UTP6: variants seen among roughly 807,000 people sequenced by gnomAD.
UTP6 encodes UTP6 small subunit processome component.
Under a neutral mutation model 96.5 loss-of-function variants are expected in UTP6, and 60 were observed. The observed-to-expected ratio is 0.62, with a 90% CI of 0.51 to 0.77. The LOEUF (loss-of-function observed/expected upper bound fraction) is 0.77. UTP6 is among the 30% of genes least tolerant of loss of function. UTP6 has a pLI of 0.00. For synonymous variants in UTP6, 215 were observed against 240.1 expected, an observed-to-expected ratio of 0.90 and a Z score of 0.96; for missense variants, 637 against 706.5, an observed-to-expected ratio of 0.90 and a Z score of 1.12.
chr17:31,886,032 A>G lies in UTP6; in HGVS notation c.651T>C (p.Leu217=). 6.2e-7 allele frequency: 1 copy of G among 1,613,870 alleles called. No homozygotes were observed. Among genetic ancestry groups the G allele is most frequent in the South Asian group, 1.1e-5 (1 of 91,018 alleles). Residue 217 remains leucine, a synonymous_variant, in exon 9 of 19, where the codon CTT becomes CTC. Coordinates refer to ENST00000261708, the MANE Select transcript of UTP6 (RefSeq NM_018428.3). ...AGATGATCCATGCCAACTCGCCCTT[A>G]AGGATTTCTTCAGAATAATCAGGAT... ...VENPDYSEEI[L]KGELAWIIYK... is the part of the protein sequence containing the mutation.
At chr17:31,889,903 A>G (rs1598114288) in intron 6 of UTP6, among the ~76,000 whole-genome samples, 1 of 152,316 alleles carries the variant, frequency 6.6e-6, no homozygotes, top group African/African-American at 2.4e-5. Flanking sequence ...TAGAAACAGT[A>G]TTCTGAAGCA....
intron 2 of UTP6, among the ~76,000 whole-genome samples, chr17:31,898,680 G>A (rs146891760): frequency 6.6e-6 from 1 of 152,282 alleles, no homozygotes; most frequent in Non-Finnish European, 1.5e-5. Flanking sequence ...CTCCAGCCTG[G>A]GTGACACAGA....
At chr17:31,878,165 T>C in intron 13 of UTP6, 85 bp downstream of exon 13, 3 of 1,375,318 alleles carry the variant, frequency 2.2e-6, no homozygotes, top group Non-Finnish European at 2.1e-6. Context: ...CTTAAGACTA[T>C]ATATATTTAA....
intron 2 of UTP6, among the ~76,000 whole-genome samples, chr17:31,896,610 C>T (rs1383471094): frequency 1.3e-5 from 2 of 151,386 alleles, no homozygotes; most frequent in East Asian, 3.9e-4. Flanking sequence ...TGTATTTTCA[C>T]ATTATTTGTA....
At chr17:31,884,837 T>C (rs531751579) in intron 9 of UTP6, 5 of 198,572 alleles carry the variant, frequency 2.5e-5, no homozygotes, top group African/African-American at 1.2e-4. Flanking sequence ...GAGGATCACT[T>C]GAGCTCAGGA....
chr17:31,868,662 T>C (rs1909981593), intron 16 of UTP6, among the ~76,000 whole-genome samples: 1 of 152,110 alleles, frequency 6.6e-6, no homozygotes, highest in African/African-American at 2.4e-5. Flanking sequence ...CTTTATCAAT[T>C]GTAGAGTTTT....
At chr17:31,864,927 C>T (rs1909729876) in intron 18 of UTP6, among the ~76,000 whole-genome samples, 1 of 152,008 alleles carries the variant, frequency 6.6e-6, no homozygotes, top group African/African-American at 2.4e-5. Context: ...ATAGTATACA[C>T]AAAGCAAGTG....
intron 10 of UTP6, among the ~76,000 whole-genome samples, chr17:31,882,765 C>T (rs1251538555): frequency 6.6e-6 from 1 of 152,088 alleles, no homozygotes; most frequent in African/African-American, 2.4e-5. Context: ...ACGGAAGTAC[C>T]CACAAGGTAG....
intron 2 of UTP6, among the ~76,000 whole-genome samples, chr17:31,897,050 G>A (rs1043951842): frequency 6.6e-6 from 1 of 151,776 alleles, no homozygotes; most frequent in Non-Finnish European, 1.5e-5. Context: ...ACTCTGGTAC[G>A]GCAAGGCAGG....
intron 6 of UTP6, 104 bp downstream of exon 6, chr17:31,892,156 C>G: frequency 7.6e-7 from 1 of 1,307,502 alleles, no homozygotes; most frequent in Non-Finnish European, 1.1e-6. Flanking sequence ...TGCCTAAGCT[C>G]AAGTCCTCAA....
intron 5 of UTP6, 46 bp downstream of exon 5, chr17:31,892,701 A>C (rs745680765): frequency 1.2e-6 from 2 of 1,613,072 alleles, no homozygotes; most frequent in Non-Finnish European, 1.7e-6. Context: ...GGGCAGATTA[A>C]CAAAAAGACG....
At chr17:31,880,887 T>A (rs1286876441) in intron 10 of UTP6, 133 bp from the exon 11 acceptor site, 2 of 1,255,384 alleles carry the variant, frequency 1.6e-6, no homozygotes, top group Non-Finnish European at 2.2e-6. Flanking sequence ...AAAAACTATT[T>A]CCCAGGCCGG....
rs769487517 is a variant in UTP6, at chr17:31,880,588, T to C, written c.952A>G (p.Lys318Glu). 12 of 1,614,058 alleles carry C rather than the reference T, an allele frequency of 7.4e-6. No homozygotes were observed. In the East Asian group the frequency reaches 1.6e-4, roughly 21 times the overall value. The change falls in exon 11 of 19, where the codon AAG becomes GAG. Residue 318 changes from lysine to glutamate, a missense_variant. Coordinates refer to ENST00000261708, the MANE Select transcript of UTP6 (RefSeq NM_018428.3). The stretch of plus-strand genomic sequence containing the variant: ...TGAAGTTCACCTGTTGGCAGAGTCT[T>C]CACTGCCTCTTCATACACAGCACAG... Reference protein sequence around the residue: ...RCCAVYEEAVKTLPTEAMWKC... With the variant: ...RCCAVYEEAVETLPTEAMWKC...
At chr17:31,890,029 T>G (rs563364615) in intron 6 of UTP6, among the ~76,000 whole-genome samples, 5 of 152,108 alleles carry the variant, frequency 3.3e-5, no homozygotes, top group Admixed American at 1.3e-4. Context: ...TTTCTTTTTT[T>G]GAGACAGGGT....
intron 16 of UTP6, among the ~76,000 whole-genome samples, chr17:31,870,855 A>T (rs1910125170): frequency 6.6e-6 from 1 of 151,618 alleles, no homozygotes; most frequent in East Asian, 2.0e-4. Flanking sequence ...TCACTCTGTC[A>T]CCAAGGCTGG....
intron 2 of UTP6, among the ~76,000 whole-genome samples, chr17:31,895,557 G>T (rs549892538): frequency 6.6e-6 from 1 of 151,702 alleles, no homozygotes; most frequent in African/African-American, 2.4e-5. Context: ...TTTTTGAGAC[G>T]GGGTCTCCCT....
intron 9 of UTP6, among the ~76,000 whole-genome samples, chr17:31,885,362 C>T (rs536762544): frequency 5.3e-5 from 8 of 151,532 alleles, no homozygotes; most frequent in Middle Eastern, 3.4e-3. Context: ...CCAGGCTGGT[C>T]GCAAACTCCT....
chr17:31,876,958 G>A (rs1386559991), intron 13 of UTP6, among the ~76,000 whole-genome samples: 2 of 152,152 alleles, frequency 1.3e-5, no homozygotes, highest in African/African-American at 2.4e-5. Context: ...GTTGCAGTGG[G>A]CCAAGATCAT....
At chr17:31,886,774 A>G (rs1911169948) in intron 8 of UTP6, 1 of 152,864 alleles carries the variant, frequency 6.5e-6, no homozygotes, top group Admixed American at 6.5e-5. Flanking sequence ...AAATTATATA[A>G]AAAGGGAAAG....
Sources: allele counts gnomAD v4.1 joint callset (sites outside exome capture counted in the v4.1 genomes callset), GRCh38; gene constraint gnomAD v4.1.1; transcripts MANE v1.5; gene names NCBI Gene and HGNC (gene_info 2026-07-23, HGNC 2026-07-21).